ACYP2: variants seen among roughly 807,000 people sequenced by gnomAD.
ACYP2 encodes acylphosphatase-2.
In ACYP2, 12 loss-of-function variants were observed where a neutral mutation model predicts 11.2. The ratio of observed to expected loss-of-function variants is 1.08; its 90% CI spans 0.69 to 1.74. The LOEUF is 1.74. Among genes scored for constraint, ACYP2 ranks in the 40% most tolerant of loss-of-function variants. The pLI is 0.00. For synonymous variants in ACYP2, 43 were observed against 32.2 expected, an observed-to-expected ratio of 1.33 and a Z score of -1.13; for missense variants, 134 against 101.9, an observed-to-expected ratio of 1.31 and a Z score of -1.35.
intron 6 of ACYP2, among the ~76,000 whole-genome samples, chr2:54,140,382 T>A (rs1681537752): frequency 1.3e-5 from 2 of 152,184 alleles, no homozygotes; most frequent in Non-Finnish European, 2.9e-5. Flanking sequence ...GGTCATTGAT[T>A]AATTTGCTTA....
chr2:54,221,666 G>C (rs1458919350), intron 6 of ACYP2, among the ~76,000 whole-genome samples: 1 of 151,696 alleles, frequency 6.6e-6, no homozygotes, highest in African/African-American at 2.4e-5. Flanking sequence ...GATTACAGGT[G>C]TGTGCCACCA....
chr2:54,237,369 T>G (rs1012561970), intron 6 of ACYP2, among the ~76,000 whole-genome samples: 5 of 152,236 alleles, frequency 3.3e-5, no homozygotes, highest in Non-Finnish European at 4.4e-5. Flanking sequence ...GTTTGCCCTT[T>G]TCATTGTTCT....
At chr2:53,995,360 T>G (rs909140685) in intron 2 of ACYP2, among the ~76,000 whole-genome samples, 1 of 152,136 alleles carries the variant, frequency 6.6e-6, no homozygotes. Flanking sequence ...GACCTTGGTG[T>G]TTTTCTCAAT....
At chr2:54,074,491 T>C (rs1677222059) in intron 4 of ACYP2, among the ~76,000 whole-genome samples, 1 of 152,144 alleles carries the variant, frequency 6.6e-6, no homozygotes, top group South Asian at 2.1e-4. Context: ...GTTGCACAAC[T>C]CTGTGAATAT....
At chr2:54,115,790 G>A (rs780198282) in intron 4 of ACYP2, 34 bp downstream of exon 1, 34 of 1,560,908 alleles carry the variant, frequency 2.2e-5, no homozygotes, top group Non-Finnish European at 2.9e-5. Flanking sequence ...AGATCAAAAA[G>A]GTTATGGGAG....
chr2:54,006,347 A>G (rs1340930707), intron 2 of ACYP2, among the ~76,000 whole-genome samples: 2 of 152,002 alleles, frequency 1.3e-5, no homozygotes, highest in African/African-American at 4.8e-5. Flanking sequence ...GGGTTTCACC[A>G]TATTGGCCAG....
intron 2 of ACYP2, among the ~76,000 whole-genome samples, chr2:54,028,039 C>T (rs1368452822): frequency 1.3e-5 from 2 of 151,838 alleles, no homozygotes; most frequent in Non-Finnish European, 2.9e-5. Context: ...GATAGGGTTT[C>T]ACCATGTTGA....
At chr2:54,148,864 A>C (rs1176779440) in intron 6 of ACYP2, among the ~76,000 whole-genome samples, 4 of 152,248 alleles carry the variant, frequency 2.6e-5, no homozygotes, top group Non-Finnish European at 5.9e-5. Context: ...TTGCAAAAAT[A>C]GTTGCAAAGT....
chr2:54,141,838 GT>G (rs1681619850), intron 6 of ACYP2: 1 of 541,688 alleles, frequency 1.8e-6, no homozygotes, highest in South Asian at 2.8e-5. Flanking sequence ...TAAACTTTAT[GT>G]ATTTATTTAT....
intron 6 of ACYP2, among the ~76,000 whole-genome samples, chr2:54,293,241 C>A (rs1226617852): frequency 6.6e-6 from 1 of 152,200 alleles, no homozygotes; most frequent in African/African-American, 2.4e-5. Context: ...ACCACTGTGC[C>A]AGCACCTATT....
chr2:54,138,889 C>A lies in ACYP2; in HGVS notation c.404+141C>A, dbSNP rs1162326401. Reference sequence around the variant, plus strand: ...CTCACTACAACCTCTGCCTTCCAGGCTCAGATCTCCCCGACTCAGCCTCCC... The same window carrying A: ...CTCACTACAACCTCTGCCTTCCAGGATCAGATCTCCCCGACTCAGCCTCCC... On this transcript the variant is annotated intron_variant, in intron 6 of 6. Coordinates refer to ENST00000607452, the MANE Select transcript of ACYP2 (RefSeq NM_001320586.2). 1.8e-5 allele frequency: 12 copies of A among 674,498 alleles called. No individual in the cohort carries two copies. In the Admixed American group the frequency reaches 2.4e-4, roughly 13 times the overall value. The allele number at this position is 674,498 out of a possible 1,614,324, so 41.8% of individuals were successfully genotyped here.
At chr2:54,095,624 C>A (rs1469801736) in intron 4 of ACYP2, among the ~76,000 whole-genome samples, 2 of 146,922 alleles carry the variant, frequency 1.4e-5, no homozygotes, top group Non-Finnish European at 3.0e-5. Flanking sequence ...GACCCCCCCA[C>A]CTCCCTCCCA....
chr2:54,203,079 T>C (rs1194415532), intron 6 of ACYP2, among the ~76,000 whole-genome samples: 8 of 152,186 alleles, frequency 5.3e-5, no homozygotes, highest in African/African-American at 1.4e-4. Context: ...CTTAACAGTA[T>C]TAAGTCTTCC....
intron 6 of ACYP2, among the ~76,000 whole-genome samples, chr2:54,284,281 A>G (rs1688982791): frequency 6.6e-6 from 1 of 152,178 alleles, no homozygotes; most frequent in South Asian, 2.1e-4. Context: ...TGATCACTGC[A>G]CTTTCTCCCA....
rs59874821 is a variant in ACYP2, at chr2:54,201,636, C to CTTTCTTTCTCTTTCTT, written c.404+62889_404+62890insTTCTTTCTCTTTCTTT. 1.3e-3 allele frequency among the ~76,000 whole-genome samples: 119 copies of CTTTCTTTCTCTTTCTT among 93,686 alleles called. 5 individuals are homozygous for CTTTCTTTCTCTTTCTT. Among genetic ancestry groups the CTTTCTTTCTCTTTCTT allele is most frequent in the Admixed American group, 7.5e-3 (67 of 8,946 alleles). 61.5% of individuals were successfully genotyped at this position (93,686 alleles called of 152,430 possible). On this transcript the variant is annotated intron_variant, in intron 6 of 6. Transcript: ENST00000607452. ...TCTTTCTTTCTTTGTTTCTTTCTTTCTCTTTCTTTCTTTCTTTCTTTCTTT... is the reference window on the plus strand; with the variant it reads ...TCTTTCTTTCTTTGTTTCTTTCTTTCTTTCTTTCTCTTTCTTTCTTTCTTTCTTTCTTTCTTTCTTT...
chr2:54,122,117 T>C lies in ACYP2; in HGVS notation c.278-13336T>C, dbSNP rs149245970. Among the ~76,000 whole-genome samples the C allele has an allele frequency of 2.1e-3, 326 of 152,362 alleles. 1 individual carries two copies. The highest frequency in any genetic ancestry group is 7.3e-3 in the African/African-American group (304 of 41,590). On this transcript the variant is annotated intron_variant, in intron 4 of 6. Coordinates refer to ENST00000607452, the MANE Select transcript of ACYP2 (RefSeq NM_001320586.2). ...TTTACAGTCATTAAGGGCTGCTTTG[T>C]AAGGCAGCATATAGATCACTTCCTG...
chr2:53,973,624 C>A, intron 1 of ACYP2: 1 of 199,552 alleles, frequency 5.0e-6, no homozygotes, highest in Non-Finnish European at 1.0e-5. Flanking sequence ...CCCCCTGCCC[C>A]CAAAACATTG....
chr2:54,177,683 T>G (rs1293054073), intron 6 of ACYP2, among the ~76,000 whole-genome samples: 1 of 151,436 alleles, frequency 6.6e-6, no homozygotes, highest in Non-Finnish European at 1.5e-5. Flanking sequence ...GTTCAAGTGA[T>G]GTTTGTGTCT....
chr2:54,180,063 G>A (rs1683640315), intron 6 of ACYP2, among the ~76,000 whole-genome samples: 2 of 152,136 alleles, frequency 1.3e-5, no homozygotes, highest in South Asian at 2.1e-4. Context: ...ATTTTCTAGG[G>A]TAGCTCATAG....
Sources: allele counts gnomAD v4.1 joint callset (sites outside exome capture counted in the v4.1 genomes callset), GRCh38; gene constraint gnomAD v4.1.1; transcripts MANE v1.5; gene names NCBI Gene and HGNC (gene_info 2026-07-23, HGNC 2026-07-21).